ELAVL1: variants seen among roughly 807,000 people sequenced by gnomAD.
ELAVL1 encodes ELAV-like protein 1.
Under a neutral mutation model 28.4 loss-of-function variants are expected in ELAVL1, and 1 was observed. That is an observed-to-expected ratio of 0.04 (90% CI 0.01 to 0.17). ELAVL1 has a LOEUF of 0.17. ELAVL1 is among the 10% of genes least tolerant of loss of function. The probability of loss-of-function intolerance (pLI) is 1.00; values close to 1 mark genes in which losing one functional copy is unlikely to be tolerated. For synonymous variants in ELAVL1, 174 were observed against 183.5 expected, an observed-to-expected ratio of 0.95 and a Z score of 0.42; for missense variants, 157 against 447.2, an observed-to-expected ratio of 0.35 and a Z score of 5.85.
At chr19:8,003,391 A>G (rs2081075626) in intron 1 of ELAVL1, among the ~76,000 whole-genome samples, 1 of 141,992 alleles carries the variant, frequency 7.0e-6, no homozygotes, top group East Asian at 2.1e-4. Flanking sequence ...GAAAAAAAAA[A>G]AAAAAGAAAT....
chr19:7,973,911 C>A lies in ELAVL1; in HGVS notation c.277-33G>T, dbSNP rs755091586. The A allele has an allele frequency of 3.7e-6, 6 of 1,610,084 alleles. No homozygotes were observed. The South Asian group carries it at 6.6e-5, about 18-fold the overall frequency. On this transcript the variant is annotated intron_variant, in intron 3 of 5. Coordinates refer to ENST00000407627, the MANE Select transcript of ELAVL1 (RefSeq NM_001419.3). ...ACACAACCACTTTCCGAGATTAGTA[C>A]AGGCACGTGGCCAAAGCATTGAGGA...
chr19:7,964,857 C>CT (rs1159876057), intron 5 of ELAVL1, among the ~76,000 whole-genome samples: 1 of 152,198 alleles, frequency 6.6e-6, no homozygotes, highest in Non-Finnish European at 1.5e-5. Flanking sequence ...TTGGGAATAT[C>CT]TGAGTAGCAT....
chr19:7,973,084 A>AT, intron 4 of ELAVL1: 1 of 151,894 alleles, frequency 6.6e-6, no homozygotes. Context: ...AAGTGCTGGG[A>AT]TTACAGGCGT....
intron 1 of ELAVL1, among the ~76,000 whole-genome samples, chr19:8,004,831 G>A (rs1276243630): frequency 6.6e-6 from 1 of 152,152 alleles, no homozygotes; most frequent in African/African-American, 2.4e-5. Context: ...ACCGGAAAAG[G>A]AAGGAAGGGC....
chr19:7,992,943 T>A lies in ELAVL1; in HGVS notation c.-16-1112A>T, dbSNP rs577718059. On this transcript the variant is annotated intron_variant, in intron 1 of 5. Coordinates refer to ENST00000407627, the MANE Select transcript of ELAVL1 (RefSeq NM_001419.3). ...GGCATGTGCCACCACGCCCGGCTGA[T>A]TTTTAAAACTTTTTGTAGAGATGGT... Among the ~76,000 whole-genome samples the A allele has an allele frequency of 2.1e-4, 32 of 152,274 alleles. No homozygotes were observed. In the East Asian group the frequency reaches 6.0e-3, roughly 28 times the overall value.
At chr19:7,964,308 G>GCA (rs1388856635) in intron 5 of ELAVL1, among the ~76,000 whole-genome samples, 1 of 152,116 alleles carries the variant, frequency 6.6e-6, no homozygotes, top group Non-Finnish European at 1.5e-5. Flanking sequence ...TCTGGTTAGA[G>GCA]CACGCCTTTG....
intron 1 of ELAVL1, among the ~76,000 whole-genome samples, chr19:7,998,994 C>T (rs1031952052): frequency 7.9e-5 from 12 of 151,954 alleles, no homozygotes; most frequent in Non-Finnish European, 1.5e-4. Context: ...CCCATGCTGG[C>T]TTCAAGTCAT....
chr19:7,987,977 C>G (rs116864111), intron 2 of ELAVL1, among the ~76,000 whole-genome samples: 1 of 152,198 alleles, frequency 6.6e-6, no homozygotes, highest in African/African-American at 2.4e-5. Context: ...GTCAAACAGG[C>G]CCCTCTGCTG....
At chr19:8,001,991 C>G (rs2081069617) in intron 1 of ELAVL1, 2 of 1,258,520 alleles carry the variant, frequency 1.6e-6, no homozygotes, top group Non-Finnish European at 2.1e-6. Flanking sequence ...TTGTCTCCCC[C>G]CAGCCTCTCC....
intron 1 of ELAVL1, among the ~76,000 whole-genome samples, chr19:7,997,710 G>C (rs1305981545): frequency 6.6e-6 from 1 of 151,954 alleles, no homozygotes. Context: ...AGAGGCCAAG[G>C]TGGGAGGACT....
At chr19:7,998,924 TGTG>T (rs898590486) in intron 1 of ELAVL1, among the ~76,000 whole-genome samples, 4 of 152,190 alleles carry the variant, frequency 2.6e-5, no homozygotes, top group Non-Finnish European at 5.9e-5. Flanking sequence ...ACTACTGGTG[TGTG>T]CCACCATACC....
chr19:7,983,909 G>A (rs1003648379), intron 2 of ELAVL1, among the ~76,000 whole-genome samples: 2 of 152,018 alleles, frequency 1.3e-5, no homozygotes, highest in African/African-American at 2.4e-5. Flanking sequence ...GGCAGCTCAG[G>A]GTAGGGCCTA....
rs971405136 is a variant in ELAVL1, at chr19:7,981,991, G to C, written c.173-805C>G. Among the ~76,000 whole-genome samples, 1 of 152,216 alleles carries C rather than the reference G, an allele frequency of 6.6e-6. No individual in the cohort carries two copies. Among genetic ancestry groups the C allele is most frequent in the African/African-American group, 2.4e-5 (1 of 41,452 alleles). ...CCCGCTGTGGGGCAGAAGAGTCCAG[G>C]GAGAGGCCAGGGGCTGAGAATCCCC... On this transcript the variant is annotated intron_variant, in intron 2 of 5. Coordinates refer to ENST00000407627, the MANE Select transcript of ELAVL1 (RefSeq NM_001419.3). The surrounding 1 kb of genome is among the most constrained non-coding windows in gnomAD (Gnocchi z 4.2).
chr19:7,978,094 T>A (rs959675898), intron 3 of ELAVL1, among the ~76,000 whole-genome samples: 1 of 152,242 alleles, frequency 6.6e-6, no homozygotes, highest in Middle Eastern at 3.2e-3. Context: ...TGGGCACAAC[T>A]GGGCTCCCCG....
chr19:7,991,539 TA>T, intron 2 of ELAVL1, 104 bp downstream of exon 2: 5 of 1,140,744 alleles, frequency 4.4e-6, no homozygotes, highest in Non-Finnish European at 6.2e-6. Context: ...TTCAAGGCTG[TA>T]GTTATCCTGC....
At chr19:7,994,617 T>C (rs372239503) in intron 1 of ELAVL1, among the ~76,000 whole-genome samples, 1 of 152,300 alleles carries the variant, frequency 6.6e-6, no homozygotes, top group African/African-American at 2.4e-5. Flanking sequence ...CCAGATGCTA[T>C]TTTCTGCCAG....
In ELAVL1 at chr19:7,982,960, G is replaced by A. The variant is rs1192554526; in HGVS notation, c.173-1774C>T. Among the ~76,000 whole-genome samples the A allele has an allele frequency of 1.2e-4, 19 of 152,194 alleles. No homozygotes were observed. The highest frequency in any genetic ancestry group is 1.5e-4 in the Non-Finnish European group (10 of 68,046). ...TGACTTATGGCTGCTGGTGCTGACC[G>A]TGATCACTGGGCCGAGGCAGTCAGT... On this transcript the variant is annotated intron_variant, in intron 2 of 5. Coordinates refer to ENST00000407627, the MANE Select transcript of ELAVL1 (RefSeq NM_001419.3). The surrounding 1 kb of genome is among the most constrained non-coding windows in gnomAD (Gnocchi z 4.3).
intron 3 of ELAVL1, among the ~76,000 whole-genome samples, chr19:7,975,345 A>C (rs1985251206): frequency 6.6e-6 from 1 of 152,190 alleles, no homozygotes; most frequent in Admixed American, 6.5e-5. Context: ...CCCTGGATGA[A>C]GCCCCAGAGG....
At chr19:7,991,931 T>TA in intron 1 of ELAVL1, 100 bp from the exon 2 acceptor site, 169 of 898,872 alleles carry the variant, frequency 1.9e-4, no homozygotes, top group Middle Eastern at 2.9e-4. Context: ...TTTCTTTCTT[T>TA]CTTTTTTTTT....
Sources: gnomAD v4.1 joint callset for allele counts (sites outside exome capture counted in the v4.1 genomes callset) on GRCh38, gnomAD v4.1.1 for gene constraint, Gnocchi (gnomAD v3.1) non-coding constraint, MANE v1.5 for transcripts, NCBI Gene and HGNC (gene_info 2026-07-23, HGNC 2026-07-21) for gene names.